FAM178B: variants seen among roughly 807,000 people sequenced by gnomAD.
The protein encoded by FAM178B is protein FAM178B.
Under a neutral mutation model 91.7 loss-of-function variants are expected in FAM178B, and 82 were observed. The ratio of observed to expected loss-of-function variants is 0.89; its 90% CI spans 0.75 to 1.07. The LOEUF is 1.07. Ranked by LOEUF, FAM178B falls within the 50% of genes least tolerant of loss-of-function variation. FAM178B has a pLI of 0.00. For missense variants in FAM178B, 769 were observed against 846.7 expected (o/e 0.91, Z 1.14); for synonymous variants, 368 against 359.4 (o/e 1.02, Z -0.27).
intron 1 of FAM178B, chr2:96,977,945 G>GT: frequency 2.3e-6 from 1 of 443,810 alleles, no homozygotes; most frequent in Non-Finnish European, 4.6e-6. Context: ...GGAGGGTGGG[G>GT]CGGGCGGGGG....
intron 5 of FAM178B, among the ~76,000 whole-genome samples, chr2:96,963,488 T>C (rs886230723): frequency 6.6e-6 from 1 of 152,236 alleles, no homozygotes; most frequent in Admixed American, 6.5e-5. Flanking sequence ...AGCACCTGCC[T>C]CGTGGGAGTC....
intron 14 of FAM178B, among the ~76,000 whole-genome samples, chr2:96,879,154 G>A (rs1559045113): frequency 6.6e-6 from 1 of 152,174 alleles, no homozygotes; most frequent in Non-Finnish European, 1.5e-5. Flanking sequence ...GCCATGGGGA[G>A]CATCCCAGGG....
At chr2:96,894,294 C>T (rs571430629) in intron 13 of FAM178B, among the ~76,000 whole-genome samples, 3 of 151,356 alleles carry the variant, frequency 2.0e-5, no homozygotes, top group South Asian at 2.1e-4. Flanking sequence ...AGCTCCCCCA[C>T]GCCCCACCCA....
At position 96,951,658 on chromosome 2, in the gene FAM178B, G is replaced by C. The variant is rs191873885; in HGVS notation, c.888-174C>G. ...AGTGCATGATCTGTCAGAAGGAAAA[G>C]AACCCAGGCTAGCATCAGAATCACC... is the stretch of plus-strand genomic sequence containing the variant. On this transcript the variant is annotated intron_variant, in intron 6 of 16. Coordinates refer to ENST00000490605, the MANE Select transcript of FAM178B (RefSeq NM_001122646.3). 2,765 of 593,726 alleles carry C rather than the reference G, an allele frequency of 4.7e-3. 17 individuals are homozygous for C. Among genetic ancestry groups the C allele is most frequent in the Middle Eastern group, 0.016 (35 of 2,204 alleles). 36.8% of individuals were successfully genotyped at this position (593,726 alleles called of 1,614,324 possible). A position where few individuals can be genotyped will look rare whatever the true frequency, so the allele number is the denominator to read the frequency against.
At chr2:96,893,782 G>A (rs2080739868) in intron 14 of FAM178B, 144 bp downstream of exon 14, 1 of 1,011,416 alleles carries the variant, frequency 9.9e-7, no homozygotes, top group Non-Finnish European at 1.4e-6. Flanking sequence ...ACACAGGGAG[G>A]CAGCCTGTTG....
intron 12 of FAM178B, among the ~76,000 whole-genome samples, chr2:96,915,866 C>CA (rs2081233414): frequency 6.6e-6 from 1 of 151,240 alleles, no homozygotes. Flanking sequence ...CAACCAAAAA[C>CA]ACTCCTATTA....
At chr2:96,961,510 C>G (rs1455950514) in intron 5 of FAM178B, among the ~76,000 whole-genome samples, 1 of 152,190 alleles carries the variant, frequency 6.6e-6, no homozygotes, top group Non-Finnish European at 1.5e-5. Context: ...CTTCATATAA[C>G]TATGTTCTGC....
At position 96,911,256 on chromosome 2, in the gene FAM178B, G is replaced by A. The variant is rs1011234504; in HGVS notation, c.1563-8549C>T. Among the ~76,000 whole-genome samples the A allele has an allele frequency of 8.5e-5, 13 of 152,196 alleles. 1 individual carries two copies. The highest frequency in any genetic ancestry group is 8.5e-4 in the Admixed American group (13 of 15,278). On this transcript the variant is annotated intron_variant, in intron 12 of 16. Coordinates refer to ENST00000490605, the MANE Select transcript of FAM178B (RefSeq NM_001122646.3). ...GCGTCAGTGAGGGGGACAGCCTGAT[G>A]GGCCTGCAACAAGGGCTGCTCGAAG... is the stretch of plus-strand genomic sequence containing the variant.
intron 1 of FAM178B, chr2:96,977,695 G>T (rs2082309528): frequency 5.2e-6 from 2 of 387,502 alleles, no homozygotes; most frequent in Admixed American, 6.0e-5. Context: ...TGCACGCAAT[G>T]GGGGAGGGGG....
chr2:96,910,794 T>C (rs1486420517), intron 12 of FAM178B, among the ~76,000 whole-genome samples: 1 of 150,352 alleles, frequency 6.7e-6, no homozygotes, highest in Non-Finnish European at 1.5e-5. Flanking sequence ...ATCTCTCTTC[T>C]TAATTTTTTT....
rs955529037 is a variant in FAM178B, at chr2:96,967,588, C to A, written c.666G>T (p.Leu222=). Reference sequence around the variant, plus strand: ...AGGAGTTGAGATTGAGACACTCCTGCAGAAGCAGCCTCTCTCGCTCCTGCT... The same window carrying A: ...AGGAGTTGAGATTGAGACACTCCTGAAGAAGCAGCCTCTCTCGCTCCTGCT... ...ALEQERERLL[L]QECLNLNSLD... is the part of the protein sequence containing the mutation. Residue 222 remains leucine, a synonymous_variant, in exon 5 of 17, where the codon CTG becomes CTT. Transcript: ENST00000490605. The A allele has an allele frequency of 6.4e-7, 1 of 1,550,470 alleles. No individual in the cohort carries two copies. Among genetic ancestry groups the A allele is most frequent in the African/African-American group, 1.4e-5 (1 of 73,042 alleles).
intron 1 of FAM178B, among the ~76,000 whole-genome samples, chr2:96,979,548 T>C (rs1389364737): frequency 1.3e-5 from 2 of 152,122 alleles, no homozygotes; most frequent in African/African-American, 4.8e-5. Context: ...GACACTTAGG[T>C]TGATTCCATA....
intron 14 of FAM178B, among the ~76,000 whole-genome samples, chr2:96,882,688 G>A (rs1226446725): frequency 2.0e-5 from 3 of 152,218 alleles, no homozygotes; most frequent in Non-Finnish European, 4.4e-5. Flanking sequence ...CCAGAGGGAG[G>A]CCCTTCCAGG....
intron 8 of FAM178B, among the ~76,000 whole-genome samples, chr2:96,933,642 T>C (rs1488594395): frequency 6.6e-6 from 1 of 152,198 alleles, no homozygotes; most frequent in Non-Finnish European, 1.5e-5. Flanking sequence ...GGCAGGAGAC[T>C]GGGTCTGCAG....
chr2:96,918,162 AAAG>A (rs1434186432), intron 12 of FAM178B, among the ~76,000 whole-genome samples: 1 of 152,176 alleles, frequency 6.6e-6, no homozygotes, highest in East Asian at 1.9e-4. Context: ...ATAAAAAAAA[AAAG>A]GACTGAAAAA....
chr2:96,891,325 G>C (rs758695690), intron 14 of FAM178B, among the ~76,000 whole-genome samples: 2 of 152,206 alleles, frequency 1.3e-5, no homozygotes, highest in Non-Finnish European at 2.9e-5. Flanking sequence ...GCAGGAGAAG[G>C]CCAGGCTATA....
intron 13 of FAM178B, among the ~76,000 whole-genome samples, chr2:96,901,754 C>A (rs560488425): frequency 3.9e-5 from 6 of 152,188 alleles, no homozygotes; most frequent in Non-Finnish European, 7.3e-5. Flanking sequence ...TGTGAATGAA[C>A]TTAAGGTCCC....
chr2:96,982,014 C>T (rs1364508303), intron 1 of FAM178B, among the ~76,000 whole-genome samples: 2 of 151,938 alleles, frequency 1.3e-5, no homozygotes, highest in Non-Finnish European at 2.9e-5. Flanking sequence ...TTGCAGTGAG[C>T]TGTGATCGCA....
At chr2:96,970,107 C>G (rs368000167) in intron 4 of FAM178B, among the ~76,000 whole-genome samples, 1 of 152,198 alleles carries the variant, frequency 6.6e-6, no homozygotes, top group African/African-American at 2.4e-5. Flanking sequence ...TGAAGACGAC[C>G]CCTGTCTGTC....
Sources: allele counts gnomAD v4.1 joint callset (sites outside exome capture counted in the v4.1 genomes callset), GRCh38; gene constraint gnomAD v4.1.1; transcripts MANE v1.5; gene names NCBI Gene and HGNC (gene_info 2026-07-23, HGNC 2026-07-21).